Variants in SNX29 observed in about 807,000 individuals in gnomAD.
The protein encoded by SNX29 is sorting nexin-29.
SNX29 carries 78 observed loss-of-function variants against 102.1 expected under a neutral mutation model. The observed-to-expected ratio is 0.76, with a 90% CI of 0.64 to 0.92. SNX29 has a LOEUF of 0.92. Among genes scored for constraint, SNX29 ranks in the 40% least tolerant of loss-of-function variants. The pLI is 0.00. For synonymous variants in SNX29, 580 were observed against 414.5 expected (o/e 1.40, Z -4.85); for missense variants, 1,280 against 1,061.7 (o/e 1.21, Z -2.86).
intron 19 of SNX29, among the ~76,000 whole-genome samples, chr16:12,513,727 A>G (rs1429956203): frequency 6.6e-6 from 1 of 152,154 alleles, no homozygotes; most frequent in Non-Finnish European, 1.5e-5. Context: ...TTGCAATTGT[A>G]TTATTTTCCC....
At chr16:12,446,869 CAT>C (rs1368772707) in intron 18 of SNX29, among the ~76,000 whole-genome samples, 5 of 151,916 alleles carry the variant, frequency 3.3e-5, no homozygotes, top group African/African-American at 1.2e-4. Flanking sequence ...GCAGGATTGA[CAT>C]ATGTAAAATA....
At chr16:12,048,164 T>C (rs1356181625) in intron 6 of SNX29, among the ~76,000 whole-genome samples, 4 of 151,982 alleles carry the variant, frequency 2.6e-5, no homozygotes, top group Admixed American at 6.6e-5. Flanking sequence ...TTTTTTTTTT[T>C]TGAGGCAGAG....
chr16:12,021,222 G>A (rs1283641555), intron 3 of SNX29, among the ~76,000 whole-genome samples: 4 of 151,776 alleles, frequency 2.6e-5, no homozygotes, highest in Admixed American at 6.6e-5. Flanking sequence ...TCAGGAGTTC[G>A]AGACCAGCCT....
intron 14 of SNX29, among the ~76,000 whole-genome samples, chr16:12,229,508 C>G (rs1409692080): frequency 6.6e-6 from 1 of 152,162 alleles, no homozygotes; most frequent in East Asian, 1.9e-4. Flanking sequence ...ACTTTTGTGA[C>G]TTATGTCCAG....
At chr16:12,522,732 C>G (rs554878334) in intron 19 of SNX29, among the ~76,000 whole-genome samples, 1 of 152,192 alleles carries the variant, frequency 6.6e-6, no homozygotes, top group South Asian at 2.1e-4. Context: ...ACCATGTTTC[C>G]TGTACAGCCT....
At chr16:12,031,907 C>G (rs1290746272) in intron 4 of SNX29, among the ~76,000 whole-genome samples, 6 of 152,132 alleles carry the variant, frequency 3.9e-5, no homozygotes, top group Admixed American at 2.0e-4. Context: ...TGTAAGTGTA[C>G]TTAATGTACA....
At chr16:12,455,508 A>C (rs552479378) in intron 18 of SNX29, among the ~76,000 whole-genome samples, 1 of 152,236 alleles carries the variant, frequency 6.6e-6, no homozygotes, top group South Asian at 2.1e-4. Flanking sequence ...CTTTCTCCCC[A>C]CATTAGCCAG....
At chr16:12,340,620 C>A (rs1442230096) in intron 15 of SNX29, among the ~76,000 whole-genome samples, 3 of 152,174 alleles carry the variant, frequency 2.0e-5, no homozygotes, top group African/African-American at 7.2e-5. Context: ...AGGTTATTAT[C>A]AGTAACTTGC....
intron 20 of SNX29, among the ~76,000 whole-genome samples, chr16:12,539,052 CTG>C (rs1323144067): frequency 6.6e-6 from 1 of 152,196 alleles, no homozygotes; most frequent in African/African-American, 2.4e-5. Context: ...AAAGACATCA[CTG>C]TGTATTCTGG....
At chr16:12,077,115 AAAC>A (rs1445176086) in intron 10 of SNX29, among the ~76,000 whole-genome samples, 2 of 152,120 alleles carry the variant, frequency 1.3e-5, no homozygotes, top group African/African-American at 4.8e-5. Flanking sequence ...TTTACAAATA[AAAC>A]AACAACAAAA....
intron 16 of SNX29, among the ~76,000 whole-genome samples, chr16:12,394,571 T>C (rs957717106): frequency 6.6e-6 from 1 of 152,208 alleles, no homozygotes; most frequent in Non-Finnish European, 1.5e-5. Context: ...TTTTACGTCA[T>C]GTGGTGTCGA....
intron 8 of SNX29, among the ~76,000 whole-genome samples, chr16:12,059,438 C>T (rs534840032): frequency 2.4e-4 from 37 of 152,332 alleles, no homozygotes; most frequent in Admixed American, 9.8e-4. Flanking sequence ...GTCGCGGGAG[C>T]GGCTCTTCTT....
intron 19 of SNX29, among the ~76,000 whole-genome samples, chr16:12,523,221 AGGGAGAGCAGAGACGAGTGCCCCACCT>A (rs1306402939): frequency 6.6e-6 from 1 of 152,182 alleles, no homozygotes; most frequent in Non-Finnish European, 1.5e-5. Context: ...GTGCCTGCAC[AGGGAGAGCAGAGACGAGTGCCCCACCT>A]GATGTATGGG....
chr16:12,192,465 C>A (rs904897264), intron 13 of SNX29, among the ~76,000 whole-genome samples: 3 of 152,150 alleles, frequency 2.0e-5, no homozygotes, highest in African/African-American at 7.2e-5. Flanking sequence ...ATTCCATTTG[C>A]TTTTTCCACA....
At chr16:12,278,577 A>T (rs2079330956) in intron 15 of SNX29, among the ~76,000 whole-genome samples, 2 of 152,254 alleles carry the variant, frequency 1.3e-5, no homozygotes, top group Admixed American at 1.3e-4. Context: ...GATTTCTAGG[A>T]AACTCTTCAA....
At chr16:12,274,919 A>G (rs2079198508) in intron 14 of SNX29, among the ~76,000 whole-genome samples, 1 of 151,906 alleles carries the variant, frequency 6.6e-6, no homozygotes, top group Non-Finnish European at 1.5e-5. Flanking sequence ...TTCTTATTTC[A>G]TGACTACACT....
intron 15 of SNX29, among the ~76,000 whole-genome samples, chr16:12,297,558 A>T (rs779624485): frequency 1.3e-5 from 2 of 151,910 alleles, no homozygotes; most frequent in Non-Finnish European, 2.9e-5. Context: ...GAGAGATCTG[A>T]GGTGTCCTCA....
At chr16:12,288,445 G>T (rs189863205) in intron 15 of SNX29, among the ~76,000 whole-genome samples, 1 of 152,156 alleles carries the variant, frequency 6.6e-6, no homozygotes, top group Non-Finnish European at 1.5e-5. Flanking sequence ...CCCTCTGTTT[G>T]CGGGGTCACC....
chr16:12,343,744 T>C (rs1298288644), intron 15 of SNX29, among the ~76,000 whole-genome samples: 2 of 152,094 alleles, frequency 1.3e-5, no homozygotes, highest in African/African-American at 4.8e-5. Context: ...AGGGTCCTTG[T>C]CACACTGATG....
Sources: gnomAD v4.1 joint callset for allele counts (sites outside exome capture counted in the v4.1 genomes callset) on GRCh38, gnomAD v4.1.1 for gene constraint, MANE v1.5 for transcripts, NCBI Gene and HGNC (gene_info 2026-07-23, HGNC 2026-07-21) for gene names.